The following PCDHA4 variants were observed in gnomAD, a reference collection of about 807,000 sequenced individuals.
The protein encoded by PCDHA4 is protocadherin alpha-4.
PCDHA4 carries 49 observed loss-of-function variants against 61.4 expected under a neutral mutation model. That is an observed-to-expected ratio of 0.80 (90% CI 0.63 to 1.01). The LOEUF (loss-of-function observed/expected upper bound fraction) is 1.01, where lower values mean the gene tolerates loss of function less well. Among genes scored for constraint, PCDHA4 ranks in the 50% least tolerant of loss-of-function variants. PCDHA4 has a pLI of 0.00. For synonymous variants in PCDHA4, 590 were observed against 550.3 expected, an observed-to-expected ratio of 1.07 and a Z score of -1.01; for missense variants, 1,254 against 1,235.8, an observed-to-expected ratio of 1.01 and a Z score of -0.22.
At position 140,899,599 on chromosome 5, in the gene PCDHA4, C is replaced by T. The variant is rs535938234; in HGVS notation, c.2386-79350C>T. Among the ~76,000 whole-genome samples the T allele has an allele frequency of 8.0e-3, 1,213 of 152,222 alleles. 6 individuals carry two copies. Among genetic ancestry groups the T allele is most frequent in the African/African-American group, 0.019 (784 of 41,538 alleles). ...CGGTTTGCCAGTATTTTATTGAGGA[C>T]TTTTGCATCAATGTTCATCAAGGAT... On this transcript the variant is annotated intron_variant, in intron 1 of 3. Coordinates refer to ENST00000530339, the MANE Select transcript of PCDHA4 (RefSeq NM_018907.4).
chr5:140,869,518 A>C, intron 1 of PCDHA4: 1 of 1,614,170 alleles, frequency 6.2e-7, no homozygotes, highest in East Asian at 2.2e-5. Flanking sequence ...CAGAGAACAA[A>C]AGCTGCTGAT....
chr5:140,967,682 C>G, intron 1 of PCDHA4: 2 of 1,614,176 alleles, frequency 1.2e-6, no homozygotes, highest in South Asian at 2.2e-5. Context: ...CCGGGAGAGG[C>G]AGCTCTTCAG....
intron 1 of PCDHA4, among the ~76,000 whole-genome samples, chr5:140,976,681 A>T (rs2096726641): frequency 6.6e-6 from 1 of 152,206 alleles, no homozygotes; most frequent in Non-Finnish European, 1.5e-5. Context: ...TCATTTTTGC[A>T]ATTTAAGTAC....
intron 1 of PCDHA4, among the ~76,000 whole-genome samples, chr5:140,826,807 G>A (rs1769059412): frequency 6.6e-6 from 1 of 152,146 alleles, no homozygotes; most frequent in African/African-American, 2.4e-5. Context: ...TACCTAACAT[G>A]TGATTACATA....
At chr5:140,829,389 C>T (rs1770271281) in intron 1 of PCDHA4, 3 of 1,614,192 alleles carry the variant, frequency 1.9e-6, no homozygotes, top group Non-Finnish European at 2.5e-6. Flanking sequence ...GGGGGCTCGC[C>T]TTCGCTGTGG....
intron 1 of PCDHA4, chr5:140,824,328 T>C: frequency 4.6e-6 from 3 of 658,016 alleles, no homozygotes; most frequent in Non-Finnish European, 7.8e-6. Flanking sequence ...CTTTCTGTGA[T>C]ATTAAGTGTT....
intron 1 of PCDHA4, among the ~76,000 whole-genome samples, chr5:140,891,720 T>C (rs1159192046): frequency 2.0e-5 from 3 of 152,170 alleles, no homozygotes; most frequent in African/African-American, 4.8e-5. Context: ...CCCAAATTCA[T>C]GTGTTGAAAA....
chr5:140,871,925 T>C (rs1554165953), intron 1 of PCDHA4, among the ~76,000 whole-genome samples: 1 of 152,244 alleles, frequency 6.6e-6, no homozygotes, highest in African/African-American at 2.4e-5. Flanking sequence ...TTCCACATTG[T>C]TAGATCAACT....
intron 1 of PCDHA4, chr5:140,824,610 GTTTTTTTT>G (rs782443702): frequency 1.1e-5 from 1 of 95,104 alleles, no homozygotes; most frequent in Non-Finnish European, 1.9e-5. Flanking sequence ...GCTAATTAAA[GTTTTTTTT>G]TTTTTTTTTT....
chr5:140,992,405 C>T (rs962261885), intron 3 of PCDHA4, among the ~76,000 whole-genome samples: 1 of 152,152 alleles, frequency 6.6e-6, no homozygotes, highest in Non-Finnish European at 1.5e-5. Context: ...AGATATTGTT[C>T]TGCCCCAGGT....
chr5:140,856,563 G>A (rs1554148859), intron 1 of PCDHA4: 3 of 1,597,526 alleles, frequency 1.9e-6, no homozygotes, highest in Middle Eastern at 1.7e-4. Context: ...TACAAACTCA[G>A]TCCAAATGAG....
chr5:140,915,992 G>A (rs1437857401), intron 1 of PCDHA4, among the ~76,000 whole-genome samples: 2 of 152,134 alleles, frequency 1.3e-5, no homozygotes, highest in African/African-American at 4.8e-5. Context: ...GGCTAAGCTG[G>A]CACTCAAACC....
chr5:140,837,239 AT>A (rs1774971058), intron 1 of PCDHA4: 1 of 152,014 alleles, frequency 6.6e-6, no homozygotes, highest in African/African-American at 2.4e-5. Flanking sequence ...TTTTACATCT[AT>A]TTATCTTCTT....
chr5:140,884,682 A>C, intron 1 of PCDHA4: 5 of 1,546,956 alleles, frequency 3.2e-6, no homozygotes, highest in Non-Finnish European at 4.4e-6. Flanking sequence ...TATTTTAAAA[A>C]ATTGTCTTAG....
chr5:140,810,565 A>C (rs1234570914), intron 1 of PCDHA4: 1 of 152,234 alleles, frequency 6.6e-6, no homozygotes, highest in African/African-American at 2.4e-5. Context: ...TTTTATATTT[A>C]AATGAAGTTG....
intron 1 of PCDHA4, among the ~76,000 whole-genome samples, chr5:140,918,436 A>T (rs2078697265): frequency 6.6e-6 from 1 of 152,092 alleles, no homozygotes; most frequent in Admixed American, 6.6e-5. Context: ...GTTGAATAGG[A>T]GTGGTGACAG....
intron 1 of PCDHA4, among the ~76,000 whole-genome samples, chr5:140,921,231 T>C (rs1171159325): frequency 3.3e-5 from 5 of 152,122 alleles, no homozygotes; most frequent in African/African-American, 4.8e-5. Context: ...TGCTAGATGA[T>C]ATTAAGCCAC....
rs191125107 is a variant in PCDHA4 at position 140,991,229 on chromosome 5, G to A, written c.2533+8666G>A. 1.4e-3 allele frequency among the ~76,000 whole-genome samples: 211 copies of A among 152,246 alleles called. 1 individual carries two copies. The highest frequency in any genetic ancestry group is 4.8e-3 in the African/African-American group (201 of 41,560). On this transcript the variant is annotated intron_variant, in intron 3 of 3. Coordinates refer to ENST00000530339, the MANE Select transcript of PCDHA4 (RefSeq NM_018907.4). ...AATTTTGTTAAATTCATTAATAAAT[G>A]CAGTGGTAAAGGCAGTATTTGAACT... is the stretch of plus-strand genomic sequence containing the variant.
chr5:140,965,664 A>G (rs931573016), intron 1 of PCDHA4, among the ~76,000 whole-genome samples: 2 of 152,254 alleles, frequency 1.3e-5, no homozygotes, highest in Non-Finnish European at 2.9e-5. Flanking sequence ...GTCTTGGGTG[A>G]TAAATGTAAA....
Sources: allele counts gnomAD v4.1 joint callset (sites outside exome capture counted in the v4.1 genomes callset), GRCh38; gene constraint gnomAD v4.1.1; transcripts MANE v1.5; gene names NCBI Gene and HGNC (gene_info 2026-07-23, HGNC 2026-07-21).